Variants in TRPM1 observed in about 807,000 individuals in gnomAD.
TRPM1 encodes TRPM1-203 APA Isoform, Intron 10.
Under a neutral mutation model 149.4 loss-of-function variants are expected in TRPM1, and 113 were observed. That is an observed-to-expected ratio of 0.76 (90% confidence interval 0.65 to 0.88). The LOEUF (loss-of-function observed/expected upper bound fraction) is 0.88. Ranked by LOEUF, TRPM1 falls within the 40% of genes least tolerant of loss-of-function variation. The probability of loss-of-function intolerance (pLI) is 0.00; values close to 1 mark genes in which losing one functional copy is unlikely to be tolerated. For missense variants in TRPM1, 1,976 were observed against 2,038.7 expected, an observed-to-expected ratio of 0.97 and a Z score of 0.59; for synonymous variants, 741 against 759.5, an observed-to-expected ratio of 0.98 and a Z score of 0.40.
Position 31,062,672 on chromosome 15 carries a change from A to T in TRPM1, c.996T>A (p.Leu332=), listed in dbSNP as rs770410524. ...TAAATGTTTTCTGAATGGTAACTAG[A>T]AGCTGCTCCCTGAGGGACTCATTTA... is the stretch of plus-strand genomic sequence containing the variant. ...GIINESLREQ[L]LVTIQKTFNY... Residue 332 remains leucine (L), a synonymous_variant, in exon 9 of 28, where the codon CTT becomes CTA. Transcript: ENST00000256552. 4 of 1,613,996 alleles carry T rather than the reference A, an allele frequency of 2.5e-6. No individual in the cohort carries two copies. The Admixed American group carries it at 5.0e-5, about 20-fold the overall frequency.
At chr15:31,051,367 G>A (rs1234459674) in intron 11 of TRPM1, among the ~76,000 whole-genome samples, 1 of 152,204 alleles carries the variant, frequency 6.6e-6, no homozygotes, top group Non-Finnish European at 1.5e-5. Context: ...GCCTACCTGA[G>A]GAGCCTCCAT....
rs140493891 is a variant in TRPM1, at chr15:31,069,865, C to A, written c.279+166G>T. ...GGTGTCCAGTTTCCAAGCCTCATGGCTAAAAGCCATGTGCACAGATATATC... is the reference window on the plus strand; with the variant it reads ...GGTGTCCAGTTTCCAAGCCTCATGGATAAAAGCCATGTGCACAGATATATC... On this transcript the variant is annotated intron_variant, in intron 4 of 27. Transcript: ENST00000256552. 1.3e-5 allele frequency: 21 copies of A among 1,580,774 alleles called. No individual in the cohort carries two copies. In the East Asian group the frequency reaches 4.7e-4, roughly 35 times the overall value.
chr15:31,123,940 G>T (rs890368041), intron 1 of TRPM1, among the ~76,000 whole-genome samples: 15 of 152,212 alleles, frequency 9.9e-5, no homozygotes, highest in African/African-American at 3.4e-4. Flanking sequence ...AAGCAAGCAA[G>T]ATGTCCTTCA....
At chr15:31,094,029 A>G (rs1320226145) in intron 1 of TRPM1, among the ~76,000 whole-genome samples, 2 of 152,234 alleles carry the variant, frequency 1.3e-5, no homozygotes, top group Non-Finnish European at 2.9e-5. Flanking sequence ...CCAGTGGAGT[A>G]AGATTGAGAT....
Position 31,127,330 on chromosome 15 carries a change from T to A in TRPM1, c.54+33576A>T, listed in dbSNP as rs373113635. 4.3e-4 allele frequency among the ~76,000 whole-genome samples: 66 copies of A among 152,324 alleles called. 1 individual carries two copies. In the South Asian group the frequency reaches 0.013, roughly 30 times the overall value. On this transcript the variant is annotated intron_variant, in intron 1 of 26. Transcript: ENST00000542188. ...GTGCAATTCAGAGTGGCCAAAGGCC[T>A]ACCAGTCCCCAGGGGCAGGTGGCCT...
At chr15:31,072,372 TTAA>T (rs2034581964) in intron 3 of TRPM1, among the ~76,000 whole-genome samples, 1 of 152,178 alleles carries the variant, frequency 6.6e-6, no homozygotes, top group Non-Finnish European at 1.5e-5. Context: ...CTTTTATGGC[TTAA>T]TAATATTCTC....
At chr15:31,124,152 G>A (rs1361388417) in intron 1 of TRPM1, among the ~76,000 whole-genome samples, 1 of 152,152 alleles carries the variant, frequency 6.6e-6, no homozygotes, top group Non-Finnish European at 1.5e-5. Flanking sequence ...GGGCGTGGTG[G>A]TGCACACCTG....
chr15:31,113,702 G>C (rs963718191), intron 1 of TRPM1, among the ~76,000 whole-genome samples: 8 of 152,152 alleles, frequency 5.3e-5, no homozygotes, highest in Non-Finnish European at 8.8e-5. Context: ...CCCATAGTTA[G>C]TTCATTCCGG....
intron 11 of TRPM1, among the ~76,000 whole-genome samples, chr15:31,058,448 G>A (rs1395802792): frequency 6.6e-6 from 1 of 152,136 alleles, no homozygotes; most frequent in African/African-American, 2.4e-5. Flanking sequence ...CCTACTTTGC[G>A]GTTCAGCAGT....
intron 1 of TRPM1, among the ~76,000 whole-genome samples, chr15:31,087,915 G>A (rs563086887): frequency 5.9e-5 from 9 of 152,248 alleles, no homozygotes; most frequent in African/African-American, 1.4e-4. Context: ...GGGATTGGTC[G>A]CACAACAATG....
rs942087760 is a variant in TRPM1, at chr15:31,032,821, T to C, written c.2820A>G (p.Leu940=). The C allele has an allele frequency of 6.2e-7, 1 of 1,614,104 alleles. No homozygotes were observed. The highest frequency in any genetic ancestry group is 1.3e-5 in the African/African-American group (1 of 74,934). Residue 940 remains leucine, a synonymous_variant, in exon 22 of 28, where the codon CTA becomes CTG. Coordinates refer to ENST00000256552, the MANE Select transcript of TRPM1 (RefSeq NM_001252024.2). ...STFMIGAILR[L]QNQPYMGYGR... is the part of the protein sequence containing the mutation. ...CATAGCCCATGTAGGGCTGGTTCTG[T>C]AGGCGAAGAATTGCTCCAATCATGA...
At chr15:31,049,141 G>A (rs1358928930) in intron 13 of TRPM1, among the ~76,000 whole-genome samples, 1 of 152,130 alleles carries the variant, frequency 6.6e-6, no homozygotes, top group East Asian at 1.9e-4. Flanking sequence ...CTTAAATGCG[G>A]GACAAGAGTT....
chr15:31,037,740 C>A lies in TRPM1; in HGVS notation c.2542G>T (p.Ala848Ser). Residue 848 changes from alanine to serine, a missense_variant, in exon 20 of 28, where the codon GCG (alanine) becomes TCG (serine). By Grantham distance (99) the Ala-to-Ser change is moderately conservative. Around this residue, in one of 3 missense-constraint regions of TRPM1, gnomAD observed 1,332 missense variants for 1,347.1 expected, o/e 0.99. Transcript: ENST00000256552. ...IGTKICEFYNAPIVKFWFYTI... is the reference protein window; with the variant it reads ...IGTKICEFYNSPIVKFWFYTI... Reference sequence around the variant, plus strand: ...TAAAACCAGAACTTGACAATGGGCGCGTTATAGAATTCACAGATCTTTGTT... The same window carrying A: ...TAAAACCAGAACTTGACAATGGGCGAGTTATAGAATTCACAGATCTTTGTT... 1 of 1,614,146 alleles carries A rather than the reference C, an allele frequency of 6.2e-7. No homozygotes were observed. Among genetic ancestry groups the A allele is most frequent in the South Asian group, 1.1e-5 (1 of 91,080 alleles).
chr15:31,099,772 T>C (rs1280517486), intron 1 of TRPM1, among the ~76,000 whole-genome samples: 1 of 152,184 alleles, frequency 6.6e-6, no homozygotes, highest in African/African-American at 2.4e-5. Flanking sequence ...AAAAATACAC[T>C]GCAGAGAATA....
chr15:31,029,285 T>C, intron 24 of TRPM1, 86 bp downstream of exon 24: 3 of 1,404,322 alleles, frequency 2.1e-6, no homozygotes, highest in Non-Finnish European at 3.0e-6. Flanking sequence ...TTGAAAACAG[T>C]TTAAGACTAC....
chr15:31,104,563 G>A (rs1317239591), upstream of TRPM1, among the ~76,000 whole-genome samples: 1 of 150,598 alleles, frequency 6.6e-6, no homozygotes, highest in Non-Finnish European at 1.5e-5. Context: ...GATATCCCTA[G>A]GACTTGCAAA....
At chr15:31,158,726 G>A (rs576531991) in intron 1 of TRPM1, among the ~76,000 whole-genome samples, 11 of 151,760 alleles carry the variant, frequency 7.2e-5, no homozygotes, top group African/African-American at 2.7e-4. Context: ...GGAGGAACAC[G>A]TCCACCCTAG....
chr15:31,031,021 C>T lies in TRPM1; in HGVS notation c.3089G>A (p.Trp1030Ter), dbSNP rs752584934. 6.2e-7 allele frequency: 1 copy of T among 1,614,142 alleles called. No individual in the cohort carries two copies. The highest frequency in any genetic ancestry group is 8.5e-7 in the Non-Finnish European group (1 of 1,180,024). ...LARNIFYMPY[W>*]MIYGEVFADQ... is the part of the protein sequence containing the mutation. ...TGCAAACACCTCTCCATAGATCATC[C>T]AGTAGGGCATGTAGAAGATGTTTCG... is the stretch of plus-strand genomic sequence containing the variant. The change falls in exon 23 of 28, where the codon TGG (tryptophan) becomes TAG (stop). Residue 1030 changes from tryptophan to a stop codon, truncating the protein, a stop_gained. Transcript: ENST00000256552. LOFTEE classifies it high-confidence loss of function.
chr15:31,003,409 C>T (rs989904860), intron 27 of TRPM1, among the ~76,000 whole-genome samples: 3 of 152,158 alleles, frequency 2.0e-5, no homozygotes. Context: ...ATTATCATCT[C>T]CATTTTACAG....
Sources: allele counts gnomAD v4.1 joint callset (sites outside exome capture counted in the v4.1 genomes callset), GRCh38; gene constraint gnomAD v4.1.1; regional missense constraint gnomAD v4.1.1; transcripts MANE v1.5; gene names NCBI Gene and HGNC (gene_info 2026-07-23, HGNC 2026-07-21).